Variants in IRF2BPL observed in about 807,000 individuals in gnomAD.
IRF2BPL encodes interferon regulatory factor 2 binding protein like.
In IRF2BPL, 13 loss-of-function variants were observed where a neutral mutation model predicts 51.2. That is an observed-to-expected ratio of 0.25 (90% confidence interval 0.17 to 0.40). The LOEUF is 0.40. Among genes scored for constraint, IRF2BPL ranks in the 10% least tolerant of loss-of-function variants. The pLI is 1.00. For synonymous variants in IRF2BPL, 768 were observed against 509.2 expected (o/e 1.51, Z -6.84); for missense variants, 1,210 against 1,111.8 (o/e 1.09, Z -1.26).
At position 77,027,245 on chromosome 14, in the gene IRF2BPL, C is replaced by T. The variant is rs751883757; in HGVS notation, c.548G>A (p.Ser183Asn). 2 of 1,597,612 alleles carry T rather than the reference C, an allele frequency of 1.3e-6. No homozygotes were observed. Among genetic ancestry groups the T allele is most frequent in the Non-Finnish European group, 1.7e-6 (2 of 1,173,692 alleles). Residue 183 changes from serine (S) to asparagine (N), a missense_variant, in exon 1 of 1, where the codon AGC (serine) becomes AAC (asparagine). Coordinates refer to ENST00000238647, the MANE Select transcript of IRF2BPL (RefSeq NM_024496.4). ...GTTGGGCAGTCGCGCGGTGTGGCTG[C>T]TGCTTCCCAGGCTCACCGGCGGTGG... The part of the protein sequence containing the change: ...YPPPPVSLGS[S>N]SHTARLPNGL...
Position 77,027,160 on chromosome 14 carries a change from C to G in IRF2BPL, c.633G>C (p.Leu211=). ...KPTPEEGPPE[L]NRQSPNSSSA... The stretch of plus-strand genomic sequence containing the variant: ...AAGAAGAATTGGGGCTCTGACGGTT[C>G]AGCTCTGGGGGTCCCTCCTCTGGTG... The change falls in exon 1 of 1, where the codon CTG becomes CTC. Residue 211 remains leucine, a synonymous_variant. Transcript: ENST00000238647. The G allele has an allele frequency of 6.2e-7, 1 of 1,613,138 alleles. No homozygotes were observed.
chr14:77,027,049 G>A lies in IRF2BPL; in HGVS notation c.744C>T (p.Pro248=), dbSNP rs768879448. Residue 248 remains proline (P), a synonymous_variant, in exon 1 of 1, where the codon CCC becomes CCT. Transcript: ENST00000238647. ...GLPNPGGGGG[P]QLTVPPNLLP... ...GCAGGTTGGGGGGCACGGTGAGCTG[G>A]GGGCCTCCGCCACCCCCCGGGTTGG... is the stretch of plus-strand genomic sequence containing the variant. The A allele has an allele frequency of 1.2e-5, 18 of 1,564,246 alleles. No homozygotes were observed. Among genetic ancestry groups the A allele is most frequent in the Non-Finnish European group, 1.6e-5 (18 of 1,156,898 alleles).
chr14:77,027,612 G>A lies in IRF2BPL; in HGVS notation c.181C>T (p.His61Tyr), dbSNP rs1325826244. The part of the protein sequence containing the change: ...IETARQLKRA[H>Y]GCFQDGRSPG... ...GAGCGGCCGTCCTGGAAGCAGCCGT[G>A]CGCCCGCTTCAGCTGGCGCGCTGTC... The change falls in exon 1 of 1, where the codon CAC (histidine) becomes TAC (tyrosine). Residue 61 changes from histidine to tyrosine, a missense_variant. His to Tyr is a moderately conservative substitution (Grantham distance 83). Transcript: ENST00000238647. 8.7e-6 allele frequency: 14 copies of A among 1,601,194 alleles called. No homozygotes were observed. Among genetic ancestry groups the A allele is most frequent in the Non-Finnish European group, 1.2e-5 (14 of 1,174,958 alleles).
rs1314932824 is a variant in IRF2BPL at position 77,026,837 on chromosome 14, G to A, written c.956C>T (p.Ser319Leu). ...AGCACCCACGCCCACCTCTGCCACC[G>A]ACGAAGAGGTCGAAGACGACGCGGA... ...SSSASSSTSS[S>L]VAEVGVGAGG... Residue 319 changes from serine to leucine, a missense_variant, in exon 1 of 1, where the codon TCG (serine) becomes TTG (leucine). Coordinates refer to ENST00000238647, the MANE Select transcript of IRF2BPL (RefSeq NM_024496.4). 8 of 1,610,764 alleles carry A rather than the reference G, an allele frequency of 5.0e-6. No individual in the cohort carries two copies. Among genetic ancestry groups the A allele is most frequent in the South Asian group, 3.3e-5 (3 of 90,766 alleles).
At position 77,027,315 on chromosome 14, in the gene IRF2BPL, C is replaced by T. The variant is rs757560298; in HGVS notation, c.478G>A (p.Ala160Thr). The T allele has an allele frequency of 6.5e-7, 1 of 1,528,600 alleles. No homozygotes were observed. Among genetic ancestry groups the T allele is most frequent in the Admixed American group, 2.2e-5 (1 of 44,498 alleles). The allele number at this position is 1,528,600 out of a possible 1,614,324, so 94.7% of individuals were successfully genotyped here. The change falls in exon 1 of 1, where the codon GCC (alanine) becomes ACC (threonine). Residue 160 changes from alanine (A) to threonine (T), a missense_variant. By Grantham distance (58) the Ala-to-Thr change is moderately conservative. Coordinates refer to ENST00000238647, the MANE Select transcript of IRF2BPL (RefSeq NM_024496.4). Reference protein sequence around the residue: ...GLSAAAAAAAAAAAAVEQRSR... With the variant: ...GLSAAAAAAATAAAAVEQRSR... ...CGCTGTTCCACCGCAGCGGCGGCGGCGGCGGCGGCGGCGGCGGCAGCGCTT... is the reference window on the plus strand; with the variant it reads ...CGCTGTTCCACCGCAGCGGCGGCGGTGGCGGCGGCGGCGGCGGCAGCGCTT...
Position 77,027,208 on chromosome 14 carries a change from G to GC in IRF2BPL, c.584dup (p.Asn197LysfsTer67), listed in dbSNP as rs1566786525. On this transcript the variant is annotated frameshift_variant, in exon 1 of 1. Coordinates refer to ENST00000238647, the MANE Select transcript of IRF2BPL (RefSeq NM_024496.4). LOFTEE classifies it high-confidence loss of function. ...GTGTTGGTTTGGGGAAGCCGTTTGG[G>GC]CCCCCCAGGCCGTTGGGCAGTCGCG... The GC allele has an allele frequency of 6.2e-7, 1 of 1,608,100 alleles. No individual in the cohort carries two copies. The highest frequency in any genetic ancestry group is 8.5e-7 in the Non-Finnish European group (1 of 1,177,368).
rs1456853426 is a variant in IRF2BPL at position 77,028,658 on chromosome 14, C to G, written c.-866G>C. 2.6e-6 allele frequency: 1 copy of G among 384,050 alleles called. No individual in the cohort carries two copies. Among genetic ancestry groups the G allele is most frequent in the Non-Finnish European group, 4.6e-6 (1 of 216,608 alleles). The allele number at this position is 384,050 out of a possible 1,614,324, so 23.8% of individuals were successfully genotyped here. A position where few individuals can be genotyped will look rare whatever the true frequency, so the allele number is the denominator to read the frequency against. ...GGGGTTGTGATTGTTACTCTACGTT[C>G]CGGAGGCGCGTCTCGGCGCTCCTGC... is the stretch of plus-strand genomic sequence containing the variant. On this transcript the variant is annotated 5_prime_UTR_variant, in exon 1 of 1. Transcript: ENST00000238647.
rs1201563555 is a variant in IRF2BPL, at chr14:77,026,030, G to T, written c.1763C>A (p.Ala588Glu). The change falls in exon 1 of 1, where the codon GCG becomes GAG. Residue 588 changes from alanine (A) to glutamate (E), a missense_variant. Coordinates refer to ENST00000238647, the MANE Select transcript of IRF2BPL (RefSeq NM_024496.4). The part of the protein sequence containing the change: ...KLTMSAGGFA[A>E]PGHAAGGPPP... ...CGGACCCCCCGCCGCGTGCCCCGGC[G>T]CCGCGAAGCCCCCGGCGGACATGGT... The T allele has an allele frequency of 6.4e-7, 1 of 1,563,622 alleles. No homozygotes were observed. Among genetic ancestry groups the T allele is most frequent in the Admixed American group, 1.9e-5 (1 of 52,786 alleles).
chr14:77,025,927 G>A lies in IRF2BPL; in HGVS notation c.1866C>T (p.Ser622=), dbSNP rs372031750. The A allele has an allele frequency of 5.4e-5, 87 of 1,610,520 alleles. No homozygotes were observed. Among genetic ancestry groups the A allele is most frequent in the Middle Eastern group, 4.9e-4 (3 of 6,076 alleles). ...CCACCGACATGAGAGCGGCCATAGG[G>A]GACGGACCGTTCTGGGGGGCTGACT... ...PPESAPQNGP[S]PMAALMSVAD... Residue 622 remains serine, a synonymous_variant, in exon 1 of 1, where the codon TCC becomes TCT. Transcript: ENST00000238647.
In IRF2BPL at chr14:77,027,223, G is replaced by C; in HGVS notation, c.570C>G (p.Pro190=). ...AGCCGTTTGGGCCCCCCAGGCCGTT[G>C]GGCAGTCGCGCGGTGTGGCTGCTGC... ...LGSSSHTARL[P]NGLGGPNGFP... The change falls in exon 1 of 1, where the codon CCC becomes CCG. Residue 190 remains proline (P), a synonymous_variant. Transcript: ENST00000238647. 1.2e-6 allele frequency: 2 copies of C among 1,604,926 alleles called. No individual in the cohort carries two copies. Among genetic ancestry groups the C allele is most frequent in the Non-Finnish European group, 1.7e-6 (2 of 1,175,984 alleles).
In IRF2BPL at chr14:77,027,822, G is replaced by A. The variant is rs1885203273; in HGVS notation, c.-30C>T. ...CCTGCCCTGGGGAAGGTAGGCCCCC[G>A]CCCGGGCTGTCTCCGCGGCGCCTTC... On this transcript the variant is annotated 5_prime_UTR_variant, in exon 1 of 1. Coordinates refer to ENST00000238647, the MANE Select transcript of IRF2BPL (RefSeq NM_024496.4). The A allele has an allele frequency of 5.4e-6, 8 of 1,481,658 alleles. No homozygotes were observed. The highest frequency in any genetic ancestry group is 1.3e-5 in the South Asian group (1 of 75,464). 91.8% of individuals were successfully genotyped at this position (1,481,658 alleles called of 1,614,324 possible). A position where few individuals can be genotyped will look rare whatever the true frequency, so the allele number is the denominator to read the frequency against.
chr14:77,026,963 TG>T lies in IRF2BPL; in HGVS notation c.829del (p.His277ThrfsTer68). On this transcript the variant is annotated frameshift_variant, in exon 1 of 1. Transcript: ENST00000238647. LOFTEE classifies it high-confidence loss of function. ...CGGGGGCCCACGGCTGCCCAGGGCG[TG>T]GGGAGGGGGTGGGGGGAGTACCGCA... is the stretch of plus-strand genomic sequence containing the variant. ...SAAVLPPPPP[H>X]ALGSRGPPTP... The T allele has an allele frequency of 6.9e-7, 1 of 1,451,278 alleles. No homozygotes were observed. 89.9% of individuals were successfully genotyped at this position (1,451,278 alleles called of 1,614,324 possible).
rs1213748057 is a variant in IRF2BPL at position 77,026,324 on chromosome 14, G to A, written c.1469C>T (p.Pro490Leu). 3.2e-6 allele frequency: 5 copies of A among 1,577,386 alleles called. No homozygotes were observed. Among genetic ancestry groups the A allele is most frequent in the Non-Finnish European group, 4.3e-6 (5 of 1,163,312 alleles). Reference sequence around the variant, plus strand: ...GGGCTGGGGCAGCATGTCGGCGCCGGGCACGCCCTCCTTGAAGAAGCGCAC... The same window carrying A: ...GGGCTGGGGCAGCATGTCGGCGCCGAGCACGCCCTCCTTGAAGAAGCGCAC... ...EAVRFFKEGVPGADMLPQPYL... is the reference protein window; with the variant it reads ...EAVRFFKEGVLGADMLPQPYL... Residue 490 changes from proline (P) to leucine (L), a missense_variant, in exon 1 of 1, where the codon CCC (proline) becomes CTC (leucine). By Grantham distance (98) the Pro-to-Leu change is moderately conservative (BLOSUM62 -3). Transcript: ENST00000238647.
chr14:77,027,904 G>GGAGGAGC lies in IRF2BPL; in HGVS notation c.-113_-112insGCTCCTC, dbSNP rs1193935464. ...AGTCCGACTGCGGGGGAGGGAGGAG[G>GGAGGAGC]GGGGGCGAGAAAGTTCTGCCCCAGG... is the stretch of plus-strand genomic sequence containing the variant. On this transcript the variant is annotated 5_prime_UTR_variant, in exon 1 of 1. Transcript: ENST00000238647. 7.7e-7 allele frequency: 1 copy of GGAGGAGC among 1,306,440 alleles called. No individual in the cohort carries two copies. Among genetic ancestry groups the GGAGGAGC allele is most frequent in the African/African-American group, 1.5e-5 (1 of 64,902 alleles). The allele number at this position is 1,306,440 out of a possible 1,614,324, so 80.9% of individuals were successfully genotyped here. A position where few individuals can be genotyped will look rare whatever the true frequency, so the allele number is the denominator to read the frequency against.
rs1293039019 is a variant in IRF2BPL, at chr14:77,027,364, C to T, written c.429G>A (p.Pro143=). 1 of 1,511,106 alleles carries T rather than the reference C, an allele frequency of 6.6e-7. No homozygotes were observed. Among genetic ancestry groups the T allele is most frequent in the Non-Finnish European group, 8.8e-7 (1 of 1,133,448 alleles). The allele number at this position is 1,511,106 out of a possible 1,614,324, so 93.6% of individuals were successfully genotyped here. A position where few individuals can be genotyped will look rare whatever the true frequency, so the allele number is the denominator to read the frequency against. Residue 143 remains proline, a synonymous_variant, in exon 1 of 1, where the codon CCG becomes CCA. Transcript: ENST00000238647. ...TTAGGCCGTAGCGCTCCAGGCCAGA[C>T]GGGGCCGCCAGCACCGCAGGCTTGC... ...GSSKPAVLAA[P]SGLERYGLSA...
chr14:77,024,972 C>CAAAAAA lies in IRF2BPL; in HGVS notation c.*424_*429dup, dbSNP rs11287198. 6.8e-3 allele frequency: 28 copies of CAAAAAA among 4,090 alleles called. 4 individuals are homozygous for CAAAAAA. The highest frequency in any genetic ancestry group is 8.9e-3 in the Admixed American group (2 of 224). 0.3% of individuals were successfully genotyped at this position (4,090 alleles called of 1,614,324 possible). A position where few individuals can be genotyped will look rare whatever the true frequency, so the allele number is the denominator to read the frequency against. ...TTTTAGGCAGCAACACTGGCCTTGGCAAAAAAAAAAAAAAAAAAAAAAAAG... is the reference window on the plus strand; with the variant it reads ...TTTTAGGCAGCAACACTGGCCTTGGCAAAAAAAAAAAAAAAAAAAAAAAAAAAAAAG... On this transcript the variant is annotated 3_prime_UTR_variant, in exon 1 of 1. Coordinates refer to ENST00000238647, the MANE Select transcript of IRF2BPL (RefSeq NM_024496.4).
In IRF2BPL at chr14:77,027,482, TGTTGCGCGGCG is replaced by T; in HGVS notation, c.300_310del (p.Ala102ThrfsTer27). 7.5e-7 allele frequency: 1 copy of T among 1,329,822 alleles called. No individual in the cohort carries two copies. Among genetic ancestry groups the T allele is most frequent in the Non-Finnish European group, 9.6e-7 (1 of 1,041,114 alleles). The allele number at this position is 1,329,822 out of a possible 1,614,324, so 82.4% of individuals were successfully genotyped here. ...CTGCTGCTGCTGCTGTTGCTGTTGC[TGTTGCGCGGCG>T]GCGGCGGCGGCCGCCGCTGCTGCCG... On this transcript the variant is annotated frameshift_variant, in exon 1 of 1. Coordinates refer to ENST00000238647, the MANE Select transcript of IRF2BPL (RefSeq NM_024496.4). LOFTEE classifies it high-confidence loss of function.
At position 77,027,904 on chromosome 14, in the gene IRF2BPL, G is replaced by C. The variant is rs1445814132; in HGVS notation, c.-112C>G. The C allele has an allele frequency of 1.3e-5, 17 of 1,306,440 alleles. No homozygotes were observed. The highest frequency in any genetic ancestry group is 6.3e-5 in the Admixed American group (2 of 31,592). 80.9% of individuals were successfully genotyped at this position (1,306,440 alleles called of 1,614,324 possible). A position where few individuals can be genotyped will look rare whatever the true frequency, so the allele number is the denominator to read the frequency against. On this transcript the variant is annotated 5_prime_UTR_variant, in exon 1 of 1. Coordinates refer to ENST00000238647, the MANE Select transcript of IRF2BPL (RefSeq NM_024496.4). ...AGTCCGACTGCGGGGGAGGGAGGAGGGGGGGCGAGAAAGTTCTGCCCCAGG... is the reference window on the plus strand; with the variant it reads ...AGTCCGACTGCGGGGGAGGGAGGAGCGGGGGCGAGAAAGTTCTGCCCCAGG...
rs971387583 is a variant in IRF2BPL, at chr14:77,026,383, G to A, written c.1410C>T (p.Asp470=). 9 of 1,612,762 alleles carry A rather than the reference G, an allele frequency of 5.6e-6. No individual in the cohort carries two copies. Among genetic ancestry groups the A allele is most frequent in the African/African-American group, 2.7e-5 (2 of 74,934 alleles). ...GGAGCAGGTCTCCAAGCAGGCGCCAGTCCCCGGAGCCGTGCTTCTTTTCGT... is the reference window on the plus strand; with the variant it reads ...GGAGCAGGTCTCCAAGCAGGCGCCAATCCCCGGAGCCGTGCTTCTTTTCGT... The part of the protein sequence containing the change: ...LEYEKKHGSG[D]WRLLGDLLPE... The change falls in exon 1 of 1, where the codon GAC becomes GAT. Residue 470 remains aspartate (D), a synonymous_variant. Coordinates refer to ENST00000238647, the MANE Select transcript of IRF2BPL (RefSeq NM_024496.4).
Sources: gnomAD v4.1 joint callset for allele counts on GRCh38, gnomAD v4.1.1 for gene constraint, MANE v1.5 for transcripts, NCBI Gene and HGNC (gene_info 2026-07-23, HGNC 2026-07-21) for gene names.